SCAMP1: variants seen among roughly 807,000 people sequenced by gnomAD.
SCAMP1 encodes secretory carrier-associated membrane protein 1.
In SCAMP1, 15 loss-of-function variants were observed where a neutral mutation model predicts 41.8. The ratio of observed to expected loss-of-function variants is 0.36; its 90% CI spans 0.24 to 0.55. SCAMP1 has a LOEUF of 0.55. SCAMP1 is among the 20% of genes least tolerant of loss of function. SCAMP1 has a pLI of 0.86. For missense variants in SCAMP1, 341 were observed against 412.6 expected (o/e 0.83, Z 1.50); for synonymous variants, 135 against 136.8 (o/e 0.99, Z 0.09).
intron 8 of SCAMP1, among the ~76,000 whole-genome samples, chr5:78,463,477 C>A (rs986647732): frequency 6.6e-6 from 1 of 152,162 alleles, no homozygotes; most frequent in African/African-American, 2.4e-5. Flanking sequence ...ATTGCATAAA[C>A]CTTTAGTTGC....
chr5:78,404,028 A>G lies in SCAMP1; in HGVS notation c.136-11492A>G, dbSNP rs73132326. 8.4e-3 allele frequency among the ~76,000 whole-genome samples: 1,182 copies of G among 141,104 alleles called. 20 individuals carry two copies. The highest frequency in any genetic ancestry group is 0.029 in the African/African-American group (1,107 of 38,386). The allele number at this position is 141,104 out of a possible 152,430, so 92.6% of individuals were successfully genotyped here. A position where few individuals can be genotyped will look rare whatever the true frequency, so the allele number is the denominator to read the frequency against. On this transcript the variant is annotated intron_variant, in intron 2 of 8. Transcript: ENST00000621999. ...TCCTAGCTACTCAGGAGGCAGAAGG[A>G]TTGCTTGAGCTCAGGAGTTTGAGGC...
At chr5:78,391,883 T>C (rs1453948623) in intron 2 of SCAMP1, among the ~76,000 whole-genome samples, 1 of 152,132 alleles carries the variant, frequency 6.6e-6, no homozygotes, top group African/African-American at 2.4e-5. Flanking sequence ...GGCGCGCGCC[T>C]GCAATCGCAG....
chr5:78,416,523 T>C lies in SCAMP1; in HGVS notation c.235-18T>C, dbSNP rs1752212369. On this transcript the variant is annotated intron_variant, in intron 3 of 8. Transcript: ENST00000621999. ...ATACTTCTGACAGTCTATTCACATA[T>C]TGATATTTTTTATTTAGGAACATGC... 1.3e-6 allele frequency: 2 copies of C among 1,542,028 alleles called. No homozygotes were observed. The highest frequency in any genetic ancestry group is 1.8e-6 in the Non-Finnish European group (2 of 1,135,516).
At chr5:78,405,421 G>A (rs543489958) in intron 2 of SCAMP1, among the ~76,000 whole-genome samples, 7 of 151,988 alleles carry the variant, frequency 4.6e-5, no homozygotes, top group African/African-American at 4.8e-5. Flanking sequence ...GCTTAAAATG[G>A]TCTTCCCCCC....
chr5:78,471,087 A>G (rs1299832426), intron 8 of SCAMP1, among the ~76,000 whole-genome samples: 1 of 152,190 alleles, frequency 6.6e-6, no homozygotes, highest in Non-Finnish European at 1.5e-5. Flanking sequence ...GGGTGTAACA[A>G]TGAGTAGAAT....
intron 6 of SCAMP1, among the ~76,000 whole-genome samples, chr5:78,433,921 T>A (rs1212257564): frequency 1.3e-5 from 2 of 152,156 alleles, no homozygotes; most frequent in African/African-American, 4.8e-5. Context: ...CTGTCCCACC[T>A]CCAGGGTTAG....
intron 6 of SCAMP1, among the ~76,000 whole-genome samples, chr5:78,438,828 A>G (rs1327436617): frequency 2.6e-5 from 4 of 152,110 alleles, no homozygotes; most frequent in South Asian, 4.1e-4. Flanking sequence ...AAAGTCTCCC[A>G]TTATTATTGT....
intron 6 of SCAMP1, among the ~76,000 whole-genome samples, chr5:78,422,862 C>T (rs912769751): frequency 3.9e-5 from 6 of 152,124 alleles, no homozygotes; most frequent in Admixed American, 2.6e-4. Context: ...TTTCAACTCT[C>T]GTGAATAAGG....
intron 1 of SCAMP1, chr5:78,370,497 C>G (rs547789606): frequency 1.3e-5 from 2 of 152,136 alleles, no homozygotes; most frequent in South Asian, 4.1e-4. Flanking sequence ...AGATCTATAC[C>G]CAGAGAGCAA....
At chr5:78,397,486 C>G (rs1751681508) in intron 2 of SCAMP1, among the ~76,000 whole-genome samples, 3 of 152,060 alleles carry the variant, frequency 2.0e-5, no homozygotes, top group Non-Finnish European at 1.5e-5. Context: ...ATTTGGACAT[C>G]AAAATTTAAA....
At chr5:78,415,767 C>T (rs1752195219) in intron 3 of SCAMP1, 149 bp downstream of exon 3, 2 of 598,158 alleles carry the variant, frequency 3.3e-6, no homozygotes, top group African/African-American at 3.8e-5. Context: ...TCTTGTCACC[C>T]TTCAAATACT....
intron 1 of SCAMP1, among the ~76,000 whole-genome samples, chr5:78,386,881 T>C (rs188867709): frequency 2.6e-5 from 4 of 152,310 alleles, no homozygotes; most frequent in Non-Finnish European, 5.9e-5. Context: ...CTCACAGCTC[T>C]TTAGATTCTT....
intron 8 of SCAMP1, among the ~76,000 whole-genome samples, chr5:78,474,508 C>CT (rs1343808394): frequency 6.6e-6 from 1 of 152,186 alleles, no homozygotes; most frequent in East Asian, 1.9e-4. Flanking sequence ...CTTGAAACTA[C>CT]TTTCCCAAAT....
intron 1 of SCAMP1, among the ~76,000 whole-genome samples, chr5:78,378,064 T>G (rs1751109677): frequency 6.6e-6 from 1 of 152,206 alleles, no homozygotes; most frequent in African/African-American, 2.4e-5. Context: ...GTGACTTGCC[T>G]GATGTCACAG....
rs141200019 is a variant in SCAMP1 at position 78,433,335 on chromosome 5, C to T, written c.632+11375C>T. Among the ~76,000 whole-genome samples, 1,010 of 152,008 alleles carry T rather than the reference C, an allele frequency of 6.6e-3. 7 individuals carry two copies. Among genetic ancestry groups the T allele is most frequent in the African/African-American group, 0.022 (923 of 41,436 alleles). Reference sequence around the variant, plus strand: ...TTAAAAACTAGACATCTTTTGAAGACGGTAGAGACTGAAATAAATAGGTTT... The same window carrying T: ...TTAAAAACTAGACATCTTTTGAAGATGGTAGAGACTGAAATAAATAGGTTT... On this transcript the variant is annotated intron_variant, in intron 6 of 8. Transcript: ENST00000621999.
At chr5:78,414,890 G>A (rs1308450772) in intron 2 of SCAMP1, among the ~76,000 whole-genome samples, 2 of 151,952 alleles carry the variant, frequency 1.3e-5, no homozygotes, top group African/African-American at 2.4e-5. Context: ...GGAAGAGTTG[G>A]CAGTAAACCT....
intron 2 of SCAMP1, among the ~76,000 whole-genome samples, chr5:78,392,835 A>G (rs1482602181): frequency 1.3e-5 from 2 of 152,158 alleles, no homozygotes; most frequent in Non-Finnish European, 1.5e-5. Context: ...TATTTTCCAA[A>G]GAGATTAGGT....
intron 6 of SCAMP1, among the ~76,000 whole-genome samples, chr5:78,442,417 C>A (rs1452158956): frequency 3.9e-5 from 6 of 152,066 alleles, no homozygotes; most frequent in Admixed American, 2.6e-4. Context: ...CACAACCATG[C>A]CTGGTTAATT....
intron 2 of SCAMP1, among the ~76,000 whole-genome samples, chr5:78,401,166 G>A (rs1751788071): frequency 6.6e-6 from 1 of 152,070 alleles, no homozygotes; most frequent in Non-Finnish European, 1.5e-5. Context: ...TGTTGAACCA[G>A]CCTAGGATAC....
Sources: allele counts gnomAD v4.1 joint callset (sites outside exome capture counted in the v4.1 genomes callset), GRCh38; gene constraint gnomAD v4.1.1; transcripts MANE v1.5; gene names NCBI Gene and HGNC (gene_info 2026-07-23, HGNC 2026-07-21).